AMPD1: variants seen among roughly 807,000 people sequenced by gnomAD.
The protein encoded by AMPD1 is AMP deaminase 1.
AMPD1 carries 74 observed loss-of-function variants against 82.9 expected under a neutral mutation model. The observed-to-expected ratio is 0.89, with a 90% CI of 0.74 to 1.08. The LOEUF is 1.08. Among genes scored for constraint, AMPD1 ranks in the 50% least tolerant of loss-of-function variants. The probability of loss-of-function intolerance (pLI) is 0.00; values close to 1 mark genes in which losing one functional copy is unlikely to be tolerated. For missense variants in AMPD1, 881 were observed against 924.5 expected (o/e 0.95, Z 0.61); for synonymous variants, 333 against 320.5 (o/e 1.04, Z -0.42).
At chr1:114,687,493 AG>A (rs1224952344) in intron 3 of AMPD1, among the ~76,000 whole-genome samples, 1 of 152,194 alleles carries the variant, frequency 6.6e-6, no homozygotes, top group African/African-American at 2.4e-5. Flanking sequence ...GGGACACCAA[AG>A]GAGATGGATT....
intron 2 of AMPD1, among the ~76,000 whole-genome samples, chr1:114,690,969 A>G (rs890632215): frequency 3.9e-5 from 6 of 152,126 alleles, no homozygotes; most frequent in Non-Finnish European, 7.4e-5. Context: ...CAGAAACCAA[A>G]TCCTACTTGC....
chr1:114,694,210 T>C (rs948762745), intron 1 of AMPD1, among the ~76,000 whole-genome samples: 1 of 151,770 alleles, frequency 6.6e-6, no homozygotes, highest in Non-Finnish European at 1.5e-5. Context: ...AGCGAGACTC[T>C]GTCTCTAAAA....
intron 5 of AMPD1, among the ~76,000 whole-genome samples, chr1:114,683,308 G>A (rs1432622276): frequency 6.6e-6 from 1 of 152,210 alleles, no homozygotes; most frequent in Non-Finnish European, 1.5e-5. Context: ...CCTGAGCACA[G>A]GGAAGCAGAG....
At chr1:114,676,450 A>C (rs1657983565) in intron 10 of AMPD1, among the ~76,000 whole-genome samples, 1 of 152,250 alleles carries the variant, frequency 6.6e-6, no homozygotes, top group Non-Finnish European at 1.5e-5. Context: ...ATATTAGCTA[A>C]TGTAATCCTC....
rs200543002 is a variant in AMPD1, at chr1:114,686,890, C to T, written c.236G>A (p.Arg79Gln). Residue 79 changes from arginine (R) to glutamine (Q), a missense_variant, in exon 4 of 16, where the codon CGG becomes CAG. By Grantham distance (43) the Arg-to-Gln change is conservative. Around this residue, in one of 2 missense-constraint regions of AMPD1, gnomAD observed 783 missense variants for 786.4 expected, o/e 1.00. Coordinates refer to ENST00000520113, the MANE Select transcript of AMPD1 (RefSeq NM_000036.3). The part of the protein sequence containing the change: ...EARRKKRFQG[R>Q]KTVNLSIPLS... ...TGGAATGGACAAATTAACAGTCTTC[C>T]GTCCTTGGAAACGCTTTTTTCTGGG... is the stretch of plus-strand genomic sequence containing the variant. 70 of 1,614,044 alleles carry T rather than the reference C, an allele frequency of 4.3e-5. No individual in the cohort carries two copies. Among genetic ancestry groups the T allele is most frequent in the African/African-American group, 9.3e-5 (7 of 74,916 alleles).
chr1:114,675,230 C>T (rs1657945972), intron 12 of AMPD1, among the ~76,000 whole-genome samples: 1 of 151,486 alleles, frequency 6.6e-6, no homozygotes, highest in Non-Finnish European at 1.5e-5. Context: ...ATTCCTTACC[C>T]AAATATATCA....
At position 114,686,835 on chromosome 1, in the gene AMPD1, G is replaced by C; in HGVS notation, c.291C>G (p.Ser97=). ...PLSETSSTKL[S]HIDEYISSSP... Reference sequence around the variant, plus strand: ...ATGAGGAAATGTATTCATCAATGTGGGACAGTTTGGTGGAAGATGTTTCAC... The same window carrying C: ...ATGAGGAAATGTATTCATCAATGTGCGACAGTTTGGTGGAAGATGTTTCAC... Residue 97 remains serine (S), a synonymous_variant, in exon 4 of 16, where the codon TCC becomes TCG. Coordinates refer to ENST00000520113, the MANE Select transcript of AMPD1 (RefSeq NM_000036.3). 6.2e-7 allele frequency: 1 copy of C among 1,614,072 alleles called. No homozygotes were observed. The highest frequency in any genetic ancestry group is 8.5e-7 in the Non-Finnish European group (1 of 1,179,970).
chr1:114,682,544 G>A (rs891965438), intron 5 of AMPD1, among the ~76,000 whole-genome samples: 1 of 151,764 alleles, frequency 6.6e-6, no homozygotes, highest in Non-Finnish European at 1.5e-5. Flanking sequence ...TAGAACTGGA[G>A]ATCTTTAATA....
intron 6 of AMPD1, 59 bp downstream of exon 6, chr1:114,680,200 G>GT (rs781207181): frequency 1.6e-5 from 22 of 1,406,182 alleles, no homozygotes; most frequent in Non-Finnish European, 2.1e-5. Flanking sequence ...AGTAGTACTA[G>GT]TTGTTGTTTA....
rs142822792 is a variant in AMPD1 at position 114,688,003 on chromosome 1, G to C, written c.215+558C>G. On this transcript the variant is annotated intron_variant, in intron 3 of 15. Coordinates refer to ENST00000520113, the MANE Select transcript of AMPD1 (RefSeq NM_000036.3). ...TTCTATGGTATCTCGAAGTCCTCTT[G>C]CTTAGATGGGTAGGGAGGCTTCAAT... Among the ~76,000 whole-genome samples the C allele has an allele frequency of 6.7e-3, 1,025 of 152,216 alleles. 23 individuals are homozygous for C. The highest frequency in any genetic ancestry group is 0.024 in the African/African-American group (976 of 41,514).
Position 114,678,148 on chromosome 1 carries a change from T to C in AMPD1, c.1093-107A>G, listed in dbSNP as rs1025930916. On this transcript the variant is annotated intron_variant, in intron 8 of 15. Transcript: ENST00000520113. ...TGGGGTCTGGTAGTGGGGGAGGGCA[T>C]TGGGCTCCAAGAATGGAATTTGGGA... 3.9e-5 allele frequency: 59 copies of C among 1,504,130 alleles called. No individual in the cohort carries two copies. In the Admixed American group the frequency reaches 5.1e-4, roughly 13 times the overall value. 93.2% of individuals were successfully genotyped at this position (1,504,130 alleles called of 1,614,324 possible). A position where few individuals can be genotyped will look rare whatever the true frequency, so the allele number is the denominator to read the frequency against.
chr1:114,682,928 A>G (rs1658205752), intron 5 of AMPD1, among the ~76,000 whole-genome samples: 1 of 152,222 alleles, frequency 6.6e-6, no homozygotes, highest in African/African-American at 2.4e-5. Context: ...CTAGGAGTGT[A>G]ATCCTAAAAT....
At chr1:114,680,127 G>A (rs546521596) in intron 6 of AMPD1, 132 bp downstream of exon 6, 14 of 843,434 alleles carry the variant, frequency 1.7e-5, no homozygotes, top group African/African-American at 1.3e-4. Context: ...GTGCATGAAG[G>A]GCTTAATACA....
chr1:114,673,376 CA>C, intron 15 of AMPD1, 104 bp from the exon 16 acceptor site: 5 of 1,304,396 alleles, frequency 3.8e-6, no homozygotes, highest in South Asian at 1.3e-5. Context: ...TAGCCACTGA[CA>C]AAAGAATAAT....
Position 114,680,252 on chromosome 1 carries a change from C to T in AMPD1, c.767+7G>A, listed in dbSNP as rs774393161. The T allele has an allele frequency of 1.2e-6, 2 of 1,612,554 alleles. No homozygotes were observed. Among genetic ancestry groups the T allele is most frequent in the South Asian group, 1.1e-5 (1 of 91,014 alleles). On this transcript the variant is annotated splice_region_variant and intron_variant, in intron 6 of 15. Transcript: ENST00000520113. ...TTGTTGTTGTTTAGGTCTCACTAAA[C>T]ACTTACACAGGTCCTTGAGCAATTA... is the stretch of plus-strand genomic sequence containing the variant.
At chr1:114,693,780 T>C (rs1027995657) in intron 1 of AMPD1, among the ~76,000 whole-genome samples, 1 of 152,192 alleles carries the variant, frequency 6.6e-6, no homozygotes, top group African/African-American at 2.4e-5. Context: ...AAACAGCTCA[T>C]TTGGTAAACA....
rs1330625718 is a variant in AMPD1 at position 114,677,456 on chromosome 1, A to G, written c.1283T>C (p.Ile428Thr). Residue 428 changes from isoleucine (I) to threonine (T), a missense_variant, in exon 10 of 16, where the codon ATC becomes ACC. By Grantham distance (89) the Ile-to-Thr change is moderately conservative (BLOSUM62 -1). Transcript: ENST00000520113. ...CCACTCATCAGGACTGCGGCCATAG[A>G]TGGACAGGCGGGGCTCAGCATGCTG... is the stretch of plus-strand genomic sequence containing the variant. The part of the protein sequence containing the change: ...KYQHAEPRLS[I>T]YGRSPDEWSK... 6 of 1,613,040 alleles carry G rather than the reference A, an allele frequency of 3.7e-6. No homozygotes were observed. The highest frequency in any genetic ancestry group is 5.1e-6 in the Non-Finnish European group (6 of 1,179,832).
chr1:114,693,755 G>A (rs1485916187), intron 1 of AMPD1, among the ~76,000 whole-genome samples: 1 of 152,172 alleles, frequency 6.6e-6, no homozygotes. Flanking sequence ...TATGATGTTG[G>A]TAGTAGTAAA....
chr1:114,679,542 T>C (rs773478760), intron 7 of AMPD1, 37 bp downstream of exon 7: 9 of 1,612,148 alleles, frequency 5.6e-6, no homozygotes, highest in Non-Finnish European at 6.8e-6. Context: ...GAATTGTTTT[T>C]GCCCAGGAAT....
Sources: gnomAD v4.1 joint callset for allele counts (sites outside exome capture counted in the v4.1 genomes callset) on GRCh38, gnomAD v4.1.1 for gene constraint, gnomAD v4.1.1 regional missense constraint, MANE v1.5 for transcripts, NCBI Gene and HGNC (gene_info 2026-07-23, HGNC 2026-07-21) for gene names.